GABRP: variants seen among roughly 807,000 people sequenced by gnomAD.
GABRP encodes the protein gamma-aminobutyric acid receptor subunit pi.
Under a neutral mutation model 47.8 loss-of-function variants are expected in GABRP, and 52 were observed. That is an observed-to-expected ratio of 1.09 (90% CI 0.87 to 1.37). GABRP has a LOEUF of 1.37. Ranked by LOEUF, GABRP falls within the 40% of genes most tolerant of loss-of-function variation. The pLI, the probability that GABRP is intolerant of heterozygous loss-of-function variation, is 0.00. For missense variants in GABRP, 525 were observed against 542.8 expected (o/e 0.97, Z 0.33); for synonymous variants, 221 against 205.8 (o/e 1.07, Z -0.63).
chr5:170,786,207 AC>A (rs950753485), intron 1 of GABRP, among the ~76,000 whole-genome samples: 2 of 152,022 alleles, frequency 1.3e-5, no homozygotes, highest in Non-Finnish European at 2.9e-5. Context: ...TGCTCCATGG[AC>A]CCCCTTAAAC....
chr5:170,794,791 A>G (rs1185093794), intron 4 of GABRP, among the ~76,000 whole-genome samples: 1 of 152,024 alleles, frequency 6.6e-6, no homozygotes, highest in Non-Finnish European at 1.5e-5. Flanking sequence ...TATGCTGTGC[A>G]TTCCAGATAA....
At chr5:170,801,778 C>T (rs986060585) in intron 6 of GABRP, among the ~76,000 whole-genome samples, 2 of 151,512 alleles carry the variant, frequency 1.3e-5, no homozygotes, top group African/African-American at 2.4e-5. Context: ...CTGCAGTCTT[C>T]GAGAACTCTA....
At chr5:170,804,875 T>C (rs965686921) in intron 6 of GABRP, among the ~76,000 whole-genome samples, 2 of 151,560 alleles carry the variant, frequency 1.3e-5, no homozygotes, top group African/African-American at 2.4e-5. Context: ...AAAATCATTA[T>C]AGTGACTGAG....
At chr5:170,800,771 C>A (rs1765570144) in intron 6 of GABRP, among the ~76,000 whole-genome samples, 1 of 152,114 alleles carries the variant, frequency 6.6e-6, no homozygotes, top group South Asian at 2.1e-4. Flanking sequence ...GATGGTGAAA[C>A]CCCATCTCTA....
Position 170,811,954 on chromosome 5 carries a change from AG to A in GABRP, c.1023del. The A allele has an allele frequency of 6.2e-7, 1 of 1,612,776 alleles. No homozygotes were observed. ...AAGCTAACTGCATTGTCTATGAACT[AG>A]GGGACAACAAAGGAAGTAGAAGAAG... On this transcript the variant is annotated splice_acceptor_variant, in intron 9 of 9. Transcript: ENST00000265294. LOFTEE classifies it high-confidence loss of function.
chr5:170,789,150 G>T lies in GABRP; in HGVS notation c.75G>T (p.Gln25His), dbSNP rs991944073. 6.2e-7 allele frequency: 1 copy of T among 1,614,052 alleles called. No individual in the cohort carries two copies. Among genetic ancestry groups the T allele is most frequent in the Admixed American group, 1.7e-5 (1 of 60,022 alleles). ...CCAGGATGTGCATCCAGGGGAGTCA[G>T]TTCAACGTCGAGGTCGGCAGAAGTG... ...FTERMCIQGS[Q>H]FNVEVGRSDK... Residue 25 changes from glutamine (Q) to histidine (H), a missense_variant, in exon 3 of 10, where the codon CAG becomes CAT. Gln to His is a conservative substitution (Grantham distance 24, BLOSUM62 0). Transcript: ENST00000265294.
In GABRP at chr5:170,797,546, G is replaced by T; in HGVS notation, c.539G>T (p.Ser180Ile). The T allele has an allele frequency of 6.3e-7, 1 of 1,597,748 alleles. No homozygotes were observed. The highest frequency in any genetic ancestry group is 8.6e-7 in the Non-Finnish European group (1 of 1,165,176). Residue 180 changes from serine (S) to isoleucine (I), a missense_variant and splice_region_variant, in exon 6 of 10, where the codon AGC becomes ATC. Coordinates refer to ENST00000265294, the MANE Select transcript of GABRP (RefSeq NM_014211.3). ...DTQTCKLQLE[S>I]WGYDGNDVEF... ...CAGACATGCAAGTTGCAGCTGGAAAGCTGTAAGTATACATCCTACAGGCTC... is the reference window on the plus strand; with the variant it reads ...CAGACATGCAAGTTGCAGCTGGAAATCTGTAAGTATACATCCTACAGGCTC...
chr5:170,793,913 C>A (rs1765348842), intron 3 of GABRP, among the ~76,000 whole-genome samples: 1 of 151,902 alleles, frequency 6.6e-6, no homozygotes, highest in South Asian at 2.1e-4. Flanking sequence ...CCAGCCTGGG[C>A]AAGAAGAGTG....
intron 6 of GABRP, among the ~76,000 whole-genome samples, chr5:170,803,351 C>A (rs1765643875): frequency 6.6e-6 from 1 of 152,134 alleles, no homozygotes; most frequent in African/African-American, 2.4e-5. Context: ...ATCACAGGTA[C>A]CGAAATCACT....
At chr5:170,800,330 T>C (rs4868031) in intron 6 of GABRP, among the ~76,000 whole-genome samples, 78,992 of 152,068 alleles carry the variant, frequency 0.52, 22,946 homozygotes, top group African/African-American at 0.8. Context: ...ACACCTTATA[T>C]GAAAATTAAT....
chr5:170,785,268 C>T (rs1765098179), intron 1 of GABRP, among the ~76,000 whole-genome samples: 1 of 152,186 alleles, frequency 6.6e-6, no homozygotes, highest in Non-Finnish European at 1.5e-5. Context: ...TGAAGGCCCT[C>T]CTCCTAAATG....
Position 170,809,692 on chromosome 5 carries a change from G to A in GABRP, c.957G>A (p.Gly319=), listed in dbSNP as rs770031468. The change falls in exon 9 of 10, where the codon GGG becomes GGA. Residue 319 remains glycine (G), a synonymous_variant. Transcript: ENST00000265294. The stretch of plus-strand genomic sequence containing the variant: ...GGATCTGCTTTAGCTTTGTGTTTGG[G>A]GCCTTGCTAGAATATGCAGTTGCTC... ...YLGICFSFVF[G]ALLEYAVAHY... 6.8e-6 allele frequency: 11 copies of A among 1,613,118 alleles called. No homozygotes were observed. In the South Asian group the frequency reaches 8.8e-5, roughly 13 times the overall value.
intron 1 of GABRP, among the ~76,000 whole-genome samples, chr5:170,784,744 C>G (rs949472200): frequency 2.0e-5 from 3 of 152,188 alleles, no homozygotes; most frequent in African/African-American, 7.2e-5. Flanking sequence ...GCTTTCTATT[C>G]CCATTTGTCA....
upstream of GABRP, among the ~76,000 whole-genome samples, chr5:170,783,142 C>G (rs889435014): frequency 2.6e-5 from 4 of 152,132 alleles, no homozygotes; most frequent in African/African-American, 9.7e-5. Flanking sequence ...CTCTGTGTCT[C>G]CCCGCCTCCT....
intron 9 of GABRP, 42 bp from the exon 10 acceptor site, chr5:170,811,914 T>C (rs954996566): frequency 6.4e-7 from 1 of 1,562,468 alleles, no homozygotes; most frequent in Non-Finnish European, 8.7e-7. Flanking sequence ...TTTATTTTGC[T>C]GAGTCAAGTC....
Position 170,797,559 on chromosome 5 carries a change from A to G in GABRP, c.541+11A>G. 6.5e-7 allele frequency: 1 copy of G among 1,545,342 alleles called. No homozygotes were observed. ...TGCAGCTGGAAAGCTGTAAGTATACATCCTACAGGCTCCTGAGATGATTTT... is the reference window on the plus strand; with the variant it reads ...TGCAGCTGGAAAGCTGTAAGTATACGTCCTACAGGCTCCTGAGATGATTTT... On this transcript the variant is annotated intron_variant, in intron 6 of 9. Transcript: ENST00000265294.
In GABRP at chr5:170,809,656, T is replaced by A; in HGVS notation, c.921T>A (p.Asp307Glu). The part of the protein sequence containing the change: ...PNTNCFIKAI[D>E]VYLGICFSFV... ...CCAACTGCTTCATCAAGGCCATCGA[T>A]GTGTACCTGGGGATCTGCTTTAGCT... The change falls in exon 9 of 10, where the codon GAT becomes GAA. Residue 307 changes from aspartate (D) to glutamate (E), a missense_variant. Physicochemically the swap from Asp to Glu is conservative, Grantham distance 45. Transcript: ENST00000265294. The A allele has an allele frequency of 6.2e-7, 1 of 1,614,192 alleles. No individual in the cohort carries two copies. The highest frequency in any genetic ancestry group is 1.3e-5 in the African/African-American group (1 of 75,062).
chr5:170,792,056 C>A (rs1011176299), intron 3 of GABRP, among the ~76,000 whole-genome samples: 1 of 152,196 alleles, frequency 6.6e-6, no homozygotes, highest in Non-Finnish European at 1.5e-5. Flanking sequence ...CCTCTTAACA[C>A]TCTTACAATG....
At chr5:170,808,556 T>C (rs1561815602) in intron 7 of GABRP, 44 bp from the exon 8 acceptor site, 1 of 1,583,328 alleles carries the variant, frequency 6.3e-7, no homozygotes, top group Non-Finnish European at 8.6e-7. Context: ...AACCACTTGC[T>C]ACACGAACAG....
Sources: gnomAD v4.1 joint callset for allele counts (sites outside exome capture counted in the v4.1 genomes callset) on GRCh38, gnomAD v4.1.1 for gene constraint, MANE v1.5 for transcripts, NCBI Gene and HGNC (gene_info 2026-07-23, HGNC 2026-07-21) for gene names.